DNAH11: variants seen among roughly 807,000 people sequenced by gnomAD.
The protein encoded by DNAH11 is dynein axonemal heavy chain 11.
In DNAH11, 442 loss-of-function variants were observed where a neutral mutation model predicts 526.0. That is an observed-to-expected ratio of 0.84 (90% CI 0.78 to 0.91). The LOEUF is 0.91. DNAH11 is among the 40% of genes least tolerant of loss of function. DNAH11 has a pLI of 0.00. For missense variants in DNAH11, 6,989 were observed against 5,448.7 expected, an observed-to-expected ratio of 1.28 and a Z score of -8.90; for synonymous variants, 2,461 against 1,935.9, an observed-to-expected ratio of 1.27 and a Z score of -7.12.
intron 66 of DNAH11, chr7:21,851,653 A>C (rs537532599): frequency 8.5e-6 from 4 of 471,222 alleles, no homozygotes; most frequent in African/African-American, 8.0e-5. Flanking sequence ...TAAAACTCAA[A>C]GAAGTGTAGA....
chr7:21,687,502 G>T lies in DNAH11; in HGVS notation c.5899G>T (p.Asp1967Tyr). ...GGCAGTACAAGTGAAAATGATTCAT[G>T]ATGCCATCAGAAACAGGAAGAAGAG... Reference protein sequence around the residue: ...VVAVQVKMIHDAIRNRKKRFV... With the variant: ...VVAVQVKMIHYAIRNRKKRFV... The change falls in exon 34 of 82, where the codon GAT becomes TAT. Residue 1967 changes from aspartate (D) to tyrosine (Y), a missense_variant. Coordinates refer to ENST00000409508, the MANE Select transcript of DNAH11 (RefSeq NM_001277115.2). 1 of 1,613,556 alleles carries T rather than the reference G, an allele frequency of 6.2e-7. No individual in the cohort carries two copies. Among genetic ancestry groups the T allele is most frequent in the Non-Finnish European group, 8.5e-7 (1 of 1,179,770 alleles).
intron 8 of DNAH11, among the ~76,000 whole-genome samples, chr7:21,575,032 G>A (rs1784034683): frequency 6.6e-6 from 1 of 151,584 alleles, no homozygotes; most frequent in South Asian, 2.1e-4. Flanking sequence ...GTGCCACCAT[G>A]CCCAACTAAC....
rs538728957 is a variant in DNAH11, at chr7:21,693,955, G to A, written c.6041+3074G>A. ...AGGTGGACCAGGAGAGAGAACACGC[G>A]CGAGGTGGGGAAGTGCCACGCACTT... On this transcript the variant is annotated intron_variant, in intron 35 of 81. Coordinates refer to ENST00000409508, the MANE Select transcript of DNAH11 (RefSeq NM_001277115.2). Among the ~76,000 whole-genome samples, 41 of 152,256 alleles carry A rather than the reference G, an allele frequency of 2.7e-4. 1 individual carries two copies. Among genetic ancestry groups the A allele is most frequent in the South Asian group, 2.1e-3 (10 of 4,816 alleles).
Position 21,808,343 on chromosome 7 carries a change from A to G in DNAH11, c.10332+294A>G, listed in dbSNP as rs79101238. Among the ~76,000 whole-genome samples the G allele has an allele frequency of 7.3e-3, 1,118 of 152,294 alleles. 16 individuals carry two copies. The highest frequency in any genetic ancestry group is 0.024 in the African/African-American group (996 of 41,568). On this transcript the variant is annotated intron_variant, in intron 63 of 81. Coordinates refer to ENST00000409508, the MANE Select transcript of DNAH11 (RefSeq NM_001277115.2). ...ATGTGTAATGGTCAAGTCAGAGTAA[A>G]TAAGATATCTATCACCTGAAACATT... is the stretch of plus-strand genomic sequence containing the variant.
chr7:21,850,268 A>G (rs1246500743), intron 66 of DNAH11, among the ~76,000 whole-genome samples: 1 of 150,326 alleles, frequency 6.7e-6, no homozygotes, highest in Non-Finnish European at 1.5e-5. Flanking sequence ...AGGCAGGAGA[A>G]TGGCGTGAAC....
intron 28 of DNAH11, among the ~76,000 whole-genome samples, chr7:21,651,074 C>A (rs1472138602): frequency 1.3e-5 from 2 of 151,890 alleles, no homozygotes; most frequent in African/African-American, 2.4e-5. Context: ...CCACAAAAGA[C>A]CAGGGCTGCC....
In DNAH11 at chr7:21,864,622, G is replaced by A; in HGVS notation, c.11461G>A (p.Asp3821Asn). 6.2e-7 allele frequency: 1 copy of A among 1,608,396 alleles called. No individual in the cohort carries two copies. Among genetic ancestry groups the A allele is most frequent in the Non-Finnish European group, 8.5e-7 (1 of 1,177,270 alleles). Residue 3821 changes from aspartate to asparagine, a missense_variant, in exon 70 of 82, where the codon GAC becomes AAC. Transcript: ENST00000409508. ...TVEHTHLSPV[D>N]FLTSQSWSAI... ...TGAACACACTCATCTGAGTCCCGTTGACTTCCTAACTTCTCAGTCATGGAG... is the reference window on the plus strand; with the variant it reads ...TGAACACACTCATCTGAGTCCCGTTAACTTCCTAACTTCTCAGTCATGGAG...
At chr7:21,799,702 A>G (rs774397090) in intron 61 of DNAH11, among the ~76,000 whole-genome samples, 3 of 152,086 alleles carry the variant, frequency 2.0e-5, no homozygotes, top group South Asian at 2.1e-4. Flanking sequence ...AGTTAATGCT[A>G]TTTTGCATAT....
chr7:21,793,975 CTG>C (rs1324405957), intron 61 of DNAH11, among the ~76,000 whole-genome samples: 2 of 152,126 alleles, frequency 1.3e-5, no homozygotes, highest in Non-Finnish European at 2.9e-5. Flanking sequence ...TTTTTCACCT[CTG>C]TGTATTTTCA....
chr7:21,900,170 G>GATCAGTGT, intron 81 of DNAH11, 50 bp downstream of exon 81: 1 of 1,561,274 alleles, frequency 6.4e-7, no homozygotes, highest in Non-Finnish European at 8.7e-7. Context: ...CTCAGGTTCA[G>GATCAGTGT]ATCAGTGTTT....
At chr7:21,686,308 C>G (rs982351543) in intron 32 of DNAH11, among the ~76,000 whole-genome samples, 8 of 152,162 alleles carry the variant, frequency 5.3e-5, no homozygotes, top group Admixed American at 4.6e-4. Flanking sequence ...GGACATTAGT[C>G]TCTCGTCTCC....
intron 45 of DNAH11, among the ~76,000 whole-genome samples, chr7:21,728,450 G>A (rs1414458969): frequency 7.3e-5 from 11 of 151,348 alleles, no homozygotes; most frequent in Admixed American, 3.9e-4. Context: ...GTAGAGACGG[G>A]GTTTCACCAT....
In DNAH11 at chr7:21,867,923, G is replaced by A; in HGVS notation, c.11755G>A (p.Ala3919Thr). The change falls in exon 72 of 82, where the codon GCA (alanine) becomes ACA (threonine). Residue 3919 changes from alanine to threonine, a missense_variant. Coordinates refer to ENST00000409508, the MANE Select transcript of DNAH11 (RefSeq NM_001277115.2). ...VERTRLDLVKAFEESSPATPI... is the reference protein window; with the variant it reads ...VERTRLDLVKTFEESSPATPI... ...GAGGACCAGATTGGACTTAGTTAAA[G>A]CATTCGAAGAAAGCAGCCCAGCCAC... The A allele has an allele frequency of 3.8e-6, 6 of 1,579,036 alleles. No homozygotes were observed. Among genetic ancestry groups the A allele is most frequent in the Non-Finnish European group, 5.2e-6 (6 of 1,161,094 alleles).
At chr7:21,708,149 G>A (rs1784341005) in intron 40 of DNAH11, among the ~76,000 whole-genome samples, 1 of 152,148 alleles carries the variant, frequency 6.6e-6, no homozygotes, top group Non-Finnish European at 1.5e-5. Context: ...TACCTGATAT[G>A]AGGCACTGAA....
At position 21,745,091 on chromosome 7, in the gene DNAH11, C is replaced by T. The variant is rs190607337; in HGVS notation, c.8510+28C>T. ...GAGTTAACTAGTCACGATGCTTTTC[C>T]ACAAAAGGAAGAATGGCTGGATATC... is the stretch of plus-strand genomic sequence containing the variant. On this transcript the variant is annotated intron_variant, in intron 51 of 81. Transcript: ENST00000409508. 171 of 1,579,952 alleles carry T rather than the reference C, an allele frequency of 1.1e-4. No individual in the cohort carries two copies. The African/African-American group carries it at 2.2e-3, about 20-fold the overall frequency.
intron 31 of DNAH11, among the ~76,000 whole-genome samples, chr7:21,683,528 TA>T (rs946499062): frequency 6.6e-6 from 1 of 152,204 alleles, no homozygotes; most frequent in Non-Finnish European, 1.5e-5. Context: ...GGGTGATTCA[TA>T]AAAGAGGAAA....
chr7:21,557,383 A>G (rs1046048865), intron 2 of DNAH11, among the ~76,000 whole-genome samples: 2 of 152,136 alleles, frequency 1.3e-5, no homozygotes, highest in Non-Finnish European at 2.9e-5. Flanking sequence ...AATACTGGAC[A>G]TTTATTTCTC....
In DNAH11 at chr7:21,837,202, A is replaced by C. The variant is rs545391961; in HGVS notation, c.10692-5342A>C. Among the ~76,000 whole-genome samples, 6 of 152,234 alleles carry C rather than the reference A, an allele frequency of 3.9e-5. No individual in the cohort carries two copies. The South Asian group carries it at 6.2e-4, about 16-fold the overall frequency. Reference sequence around the variant, plus strand: ...AGTGTAGAGATTCCTCGAAAAACTAAGAACTACCGTATGATCCAGCAGTTC... The same window carrying C: ...AGTGTAGAGATTCCTCGAAAAACTACGAACTACCGTATGATCCAGCAGTTC... On this transcript the variant is annotated intron_variant, in intron 65 of 81. Coordinates refer to ENST00000409508, the MANE Select transcript of DNAH11 (RefSeq NM_001277115.2).
chr7:21,882,701 G>A (rs1268175055), intron 75 of DNAH11, among the ~76,000 whole-genome samples: 4 of 152,192 alleles, frequency 2.6e-5, no homozygotes, highest in Admixed American at 2.6e-4. Context: ...GGAGACTGAG[G>A]TGAGAGGATC....
Sources: allele counts gnomAD v4.1 joint callset (sites outside exome capture counted in the v4.1 genomes callset), GRCh38; gene constraint gnomAD v4.1.1; transcripts MANE v1.5; gene names NCBI Gene and HGNC (gene_info 2026-07-23, HGNC 2026-07-21).